ITPR1: variants seen among roughly 807,000 people sequenced by gnomAD.
The protein encoded by ITPR1 is inositol 1,4,5-trisphosphate receptor type 1, also known as inositol 1,4,5-trisphosphate-gated calcium channel ITPR1.
In ITPR1, 96 loss-of-function variants were observed where a neutral mutation model predicts 318.4. That is an observed-to-expected ratio of 0.30 (90% confidence interval 0.26 to 0.36). ITPR1 has a LOEUF of 0.36. Among genes scored for constraint, ITPR1 ranks in the 10% least tolerant of loss-of-function variants. The pLI is 1.00. For synonymous variants in ITPR1, 1,312 were observed against 1,289.9 expected, an observed-to-expected ratio of 1.02 and a Z score of -0.37; for missense variants, 2,440 against 3,460.2, an observed-to-expected ratio of 0.71 and a Z score of 7.40.
chr3:4,837,176 A>G (rs980956076), intron 61 of ITPR1, among the ~76,000 whole-genome samples: 13 of 152,170 alleles, frequency 8.5e-5, no homozygotes, highest in Non-Finnish European at 5.9e-5. Flanking sequence ...TGGTTTTAAT[A>G]TGAAAAACAA....
At chr3:4,661,404 C>T (rs1400738215) in intron 14 of ITPR1, among the ~76,000 whole-genome samples, 2 of 152,122 alleles carry the variant, frequency 1.3e-5, no homozygotes, top group South Asian at 2.1e-4. Context: ...TTGCTTTTGT[C>T]TTGAGGTACA....
chr3:4,647,383 A>G (rs886720180), intron 10 of ITPR1, among the ~76,000 whole-genome samples: 12 of 152,184 alleles, frequency 7.9e-5, no homozygotes, highest in Non-Finnish European at 1.8e-4. Context: ...TTCTGTATGG[A>G]TGTAACTTTT....
At chr3:4,668,031 G>T (rs1400243600) in intron 18 of ITPR1, among the ~76,000 whole-genome samples, 3 of 151,970 alleles carry the variant, frequency 2.0e-5, no homozygotes, top group East Asian at 1.9e-4. Context: ...AGAGAATGGG[G>T]TATCCATCCC....
chr3:4,555,614 A>G (rs1232705123), intron 4 of ITPR1, among the ~76,000 whole-genome samples: 1 of 152,208 alleles, frequency 6.6e-6, no homozygotes, highest in Non-Finnish European at 1.5e-5. Context: ...GACATGGAGG[A>G]AACTTACTAA....
intron 2 of ITPR1, among the ~76,000 whole-genome samples, chr3:4,499,441 G>A (rs2080855005): frequency 6.6e-6 from 1 of 151,778 alleles, no homozygotes; most frequent in Non-Finnish European, 1.5e-5. Flanking sequence ...CCCCTTTGAT[G>A]GCCTTTCATT....
intron 44 of ITPR1, among the ~76,000 whole-genome samples, chr3:4,736,387 G>A (rs907600003): frequency 1.3e-5 from 2 of 152,176 alleles, no homozygotes; most frequent in Admixed American, 1.3e-4. Context: ...CCCCGGCCAG[G>A]GTGCCTGGCT....
At chr3:4,823,956 A>G (rs1361176534) in intron 60 of ITPR1, among the ~76,000 whole-genome samples, 1 of 152,230 alleles carries the variant, frequency 6.6e-6, no homozygotes, top group Non-Finnish European at 1.5e-5. Flanking sequence ...CCCGGTTAAC[A>G]TAACTCTTAT....
At chr3:4,675,322 A>G (rs547081476) in intron 23 of ITPR1, 74 bp downstream of exon 23, 291 of 999,074 alleles carry the variant, frequency 2.9e-4, no homozygotes, top group Non-Finnish European at 2.6e-4. Context: ...GTCATACCCT[A>G]TATGTGATGC....
At position 4,663,218 on chromosome 3, in the gene ITPR1, G is replaced by C. The variant is rs529139042; in HGVS notation, c.1554+12G>C. Reference sequence around the variant, plus strand: ...ATATTCTCAAGCAGGTCGGTGAGATGTGGCGTACTGGGGATTTGGCTTTAT... The same window carrying C: ...ATATTCTCAAGCAGGTCGGTGAGATCTGGCGTACTGGGGATTTGGCTTTAT... On this transcript the variant is annotated intron_variant, in intron 16 of 61. Transcript: ENST00000649015. 6.2e-7 allele frequency: 1 copy of C among 1,604,494 alleles called. No homozygotes were observed. Among genetic ancestry groups the C allele is most frequent in the East Asian group, 2.2e-5 (1 of 44,642 alleles).
At position 4,805,992 on chromosome 3, in the gene ITPR1, CGTTT is replaced by C. The variant is rs1031218763; in HGVS notation, c.7108-105_7108-102del. 1.5e-5 allele frequency: 13 copies of C among 893,474 alleles called. No homozygotes were observed. In the African/African-American group the frequency reaches 2.0e-4, roughly 14 times the overall value. 55.3% of individuals were successfully genotyped at this position (893,474 alleles called of 1,614,324 possible). ...GGTGGGCACCGGGTGGAAAAGGAAG[CGTTT>C]GTTTGGGCACGGTGACTGAAATACA... On this transcript the variant is annotated intron_variant, in intron 54 of 61. Transcript: ENST00000649015.
intron 39 of ITPR1, among the ~76,000 whole-genome samples, chr3:4,715,759 A>C (rs180970124): frequency 6.6e-6 from 1 of 152,200 alleles, no homozygotes. Context: ...AGGCTGAGGC[A>C]GGAGAATTAC....
At chr3:4,792,435 A>G (rs1444690677) in intron 52 of ITPR1, among the ~76,000 whole-genome samples, 3 of 152,166 alleles carry the variant, frequency 2.0e-5, no homozygotes, top group Non-Finnish European at 4.4e-5. Flanking sequence ...ATTTCCTCAC[A>G]GTTTCTTGGG....
intron 4 of ITPR1, among the ~76,000 whole-genome samples, chr3:4,604,665 T>C (rs553559490): frequency 6.6e-6 from 1 of 151,958 alleles, no homozygotes; most frequent in East Asian, 1.9e-4. Context: ...TGGGGTCATC[T>C]TAGCTGGGAA....
chr3:4,706,825 A>G (rs982484220), intron 37 of ITPR1, among the ~76,000 whole-genome samples: 4 of 152,246 alleles, frequency 2.6e-5, no homozygotes, highest in South Asian at 2.1e-4. Flanking sequence ...CGTAGAATCT[A>G]CCAAGACATC....
chr3:4,591,045 A>T lies in ITPR1; in HGVS notation c.164-36718A>T, dbSNP rs139615437. Among the ~76,000 whole-genome samples, 7 of 152,332 alleles carry T rather than the reference A, an allele frequency of 4.6e-5. No homozygotes were observed. The East Asian group carries it at 1.2e-3, about 25-fold the overall frequency. ...CTCCAGCTCCATTCGTGTTCCCGCA[A>T]AAGACATGATCTCATTCTTTTTTAT... On this transcript the variant is annotated intron_variant, in intron 4 of 61. Coordinates refer to ENST00000649015, the MANE Select transcript of ITPR1 (RefSeq NM_001378452.1).
Position 4,768,836 on chromosome 3 carries a change from T to C in ITPR1, c.5979+72T>C, listed in dbSNP as rs1575181197. 38 of 1,431,104 alleles carry C rather than the reference T, an allele frequency of 2.7e-5. No individual in the cohort carries two copies. In the East Asian group the frequency reaches 8.8e-4, roughly 33 times the overall value. 88.7% of individuals were successfully genotyped at this position (1,431,104 alleles called of 1,614,324 possible). A position where few individuals can be genotyped will look rare whatever the true frequency, so the allele number is the denominator to read the frequency against. On this transcript the variant is annotated intron_variant, in intron 46 of 61. Transcript: ENST00000649015. ...CCAAGGCCTGCCTTCCTCTGATGGT[T>C]CAGCACCTCTCACTTGGGCCAGATT...
At chr3:4,620,623 T>C (rs980309610) in intron 4 of ITPR1, among the ~76,000 whole-genome samples, 2 of 151,862 alleles carry the variant, frequency 1.3e-5, no homozygotes, top group South Asian at 2.1e-4. Flanking sequence ...CTTGGGAAGA[T>C]TGATTTGGGT....
At chr3:4,657,141 T>A (rs2093728247) in intron 12 of ITPR1, among the ~76,000 whole-genome samples, 1 of 152,242 alleles carries the variant, frequency 6.6e-6, no homozygotes, top group Non-Finnish European at 1.5e-5. Flanking sequence ...CAATTAATGC[T>A]GGACATCTTT....
intron 17 of ITPR1, among the ~76,000 whole-genome samples, chr3:4,666,070 A>G (rs1021021434): frequency 1.3e-5 from 2 of 152,166 alleles, no homozygotes; most frequent in African/African-American, 4.8e-5. Context: ...CCTGCCTAAA[A>G]TGTCAGTAGT....
Sources: gnomAD v4.1 joint callset for allele counts (sites outside exome capture counted in the v4.1 genomes callset) on GRCh38, gnomAD v4.1.1 for gene constraint, MANE v1.5 for transcripts, NCBI Gene and HGNC (gene_info 2026-07-23, HGNC 2026-07-21) for gene names.